Variants in PWWP3A observed in about 807,000 individuals in gnomAD.
PWWP3A encodes the protein PWWP domain containing 3A, DNA repair factor, also known as PWWP domain-containing DNA repair factor 3A.
Under a neutral mutation model 79.0 loss-of-function variants are expected in PWWP3A, and 53 were observed. That is an observed-to-expected ratio of 0.67 (90% CI 0.54 to 0.84). PWWP3A has a LOEUF of 0.84. Among genes scored for constraint, PWWP3A ranks in the 40% least tolerant of loss-of-function variants. The probability of loss-of-function intolerance (pLI) is 0.00; values close to 1 mark genes in which losing one functional copy is unlikely to be tolerated. For synonymous variants in PWWP3A, 443 were observed against 394.4 expected, an observed-to-expected ratio of 1.12 and a Z score of -1.46; for missense variants, 973 against 948.0, an observed-to-expected ratio of 1.03 and a Z score of -0.35.
chr19:1,356,162 T>G, intron 1 of PWWP3A, 162 bp from the exon 2 acceptor site: 9 of 541,720 alleles, frequency 1.7e-5, no homozygotes, highest in African/African-American at 1.9e-5. Context: ...GTCGTTTCTG[T>G]TTGTCAGTCT....
chr19:1,374,759 TAGTC>T (rs936381027), intron 13 of PWWP3A, among the ~76,000 whole-genome samples: 2 of 152,140 alleles, frequency 1.3e-5, no homozygotes, highest in African/African-American at 2.4e-5. Flanking sequence ...AAATTATTTT[TAGTC>T]AGTCACAGTG....
chr19:1,378,044 C>T lies in PWWP3A; in HGVS notation c.*1468C>T, dbSNP rs1323037324. On this transcript the variant is annotated 3_prime_UTR_variant, in exon 14 of 14. Coordinates refer to ENST00000591337, the MANE Select transcript of PWWP3A (RefSeq NM_001369789.1). ...CGACTCCGAGAGCAGGAAACCCGGC[C>T]GTGGCCTGGCAGCTCCGCCTCCCAT... The T allele has an allele frequency of 6.6e-6, 1 of 152,252 alleles. No homozygotes were observed. The highest frequency in any genetic ancestry group is 2.4e-5 in the African/African-American group (1 of 41,430). 9.4% of individuals were successfully genotyped at this position (152,252 alleles called of 1,614,324 possible).
chr19:1,375,612 C>A (rs372186920), intron 13 of PWWP3A, among the ~76,000 whole-genome samples: 258 of 5,674 alleles, frequency 0.045, 2 homozygotes, highest in Middle Eastern at 0.12. Context: ...ATAATATATA[C>A]AATTATATAA....
chr19:1,362,248 A>G lies in PWWP3A; in HGVS notation c.1112-2A>G. 6.2e-7 allele frequency: 1 copy of G among 1,608,198 alleles called. No individual in the cohort carries two copies. Among genetic ancestry groups the G allele is most frequent in the Non-Finnish European group, 8.5e-7 (1 of 1,177,766 alleles). ...GAAAGTCTAATATCACATTATTGGC[A>G]GAGTGCCAGTCTTCCGAAGAGTCCA... On this transcript the variant is annotated splice_acceptor_variant, in intron 5 of 13. Transcript: ENST00000591337. LOFTEE classifies it high-confidence loss of function.
Position 1,364,594 on chromosome 19 carries a change from C to G in PWWP3A, c.1284+15C>G, listed in dbSNP as rs551229504. ...GGCCAGCAGTGGTAAGAACAGCTTC[C>G]TCCGTCTTCTCAGATGTAGTTACTT... On this transcript the variant is annotated intron_variant, in intron 7 of 13. Coordinates refer to ENST00000591337, the MANE Select transcript of PWWP3A (RefSeq NM_001369789.1). The G allele has an allele frequency of 1.3e-6, 2 of 1,565,766 alleles. No individual in the cohort carries two copies. The highest frequency in any genetic ancestry group is 2.4e-5 in the South Asian group (2 of 84,828).
intron 6 of PWWP3A, chr19:1,364,234 C>G (rs2082081805): frequency 1.6e-6 from 1 of 610,948 alleles, no homozygotes; most frequent in East Asian, 3.7e-5. Flanking sequence ...GCACCCCTCC[C>G]ATCCCAAGGG....
In PWWP3A at chr19:1,360,008, C is replaced by G. The variant is rs958108197; in HGVS notation, c.215-128C>G. 1.1e-6 allele frequency: 1 copy of G among 889,656 alleles called. No individual in the cohort carries two copies. The highest frequency in any genetic ancestry group is 1.6e-6 in the Non-Finnish European group (1 of 633,748). 55.1% of individuals were successfully genotyped at this position (889,656 alleles called of 1,614,324 possible). A position where few individuals can be genotyped will look rare whatever the true frequency, so the allele number is the denominator to read the frequency against. On this transcript the variant is annotated intron_variant, in intron 4 of 13. Coordinates refer to ENST00000591337, the MANE Select transcript of PWWP3A (RefSeq NM_001369789.1). This position sits in a 1 kb window ranked among gnomAD's most constrained non-coding sequence, Gnocchi z 4.4. ...AAAATGTAGGTGAGAAATGTTAGTC[C>G]TCCCCTTCAGTGATTTAGGTATGAA...
chr19:1,376,374 C>G (rs1600136662), intron 13 of PWWP3A, 145 bp from the exon 14 acceptor site: 1 of 449,566 alleles, frequency 2.2e-6, no homozygotes, highest in Admixed American at 3.3e-5. Context: ...CAGGATGGTC[C>G]TGATCTCCTG....
rs746199070 is a variant in PWWP3A, at chr19:1,370,611, G to C, written c.1550-31G>C. 4.2e-6 allele frequency: 6 copies of C among 1,439,986 alleles called. No individual in the cohort carries two copies. The East Asian group carries it at 7.6e-5, about 18-fold the overall frequency. The allele number at this position is 1,439,986 out of a possible 1,614,324, so 89.2% of individuals were successfully genotyped here. On this transcript the variant is annotated intron_variant, in intron 11 of 13. Transcript: ENST00000591337. ...GCCACCCGAGGAAGGCAGCCCACGCGCTGGTCCCACGACAGGTGCTTCTTT... is the reference window on the plus strand; with the variant it reads ...GCCACCCGAGGAAGGCAGCCCACGCCCTGGTCCCACGACAGGTGCTTCTTT...
intron 4 of PWWP3A, chr19:1,359,536 C>G (rs1229976395): frequency 6.6e-6 from 1 of 151,614 alleles, no homozygotes; most frequent in African/African-American, 2.4e-5. Flanking sequence ...AAATAAATAG[C>G]GCCGTATCTA....
intron 1 of PWWP3A, 71 bp from the exon 2 acceptor site, chr19:1,356,253 C>G (rs980746128): frequency 2.5e-6 from 2 of 800,700 alleles, no homozygotes; most frequent in Admixed American, 2.0e-5. Context: ...AACCTTTGCC[C>G]CTGAGGGCTG....
At chr19:1,375,511 T>A (rs1276182525) in intron 13 of PWWP3A, among the ~76,000 whole-genome samples, 1 of 123,796 alleles carries the variant, frequency 8.1e-6, no homozygotes, top group Non-Finnish European at 1.6e-5. Context: ...TTATATATAA[T>A]ATATAAAATC....
chr19:1,375,549 A>ATATATTATAAAATATATAATTT (rs1568965438), intron 13 of PWWP3A, among the ~76,000 whole-genome samples: 2 of 3,426 alleles, frequency 5.8e-4, no homozygotes, highest in Non-Finnish European at 1.1e-3. Flanking sequence ...TATATATAAA[A>ATATATTATAAAATATATAATTT]TATATATTAT....
intron 12 of PWWP3A, chr19:1,371,474 A>T (rs192147092): frequency 4.4e-6 from 3 of 688,520 alleles, no homozygotes; most frequent in Admixed American, 4.1e-5. Flanking sequence ...CTGTAAGTTG[A>T]AAAACTGTAA....
At chr19:1,356,518 A>G in intron 2 of PWWP3A, 69 bp downstream of exon 2, 1 of 1,216,712 alleles carries the variant, frequency 8.2e-7, no homozygotes. Flanking sequence ...AATCTTGATC[A>G]GGAGATACCT....
rs1326772172 is a variant in PWWP3A at position 1,360,170 on chromosome 19, AG to A, written c.250del (p.Glu84AsnfsTer15). On this transcript the variant is annotated frameshift_variant, in exon 5 of 14. Transcript: ENST00000591337. LOFTEE classifies it high-confidence loss of function. The surrounding 1 kb of genome is among the most constrained non-coding windows in gnomAD (Gnocchi z 4.4). ...QNEVPAAPLE[E>X]LAYRRSLRVA... ...ATGAGGTTCCTGCGGCACCCCTGGA[AG>A]AACTGGCCTACAGACGGTCGCTTCG... 1 of 1,581,278 alleles carries A rather than the reference AG, an allele frequency of 6.3e-7. No individual in the cohort carries two copies. Among genetic ancestry groups the A allele is most frequent in the Non-Finnish European group, 8.6e-7 (1 of 1,166,216 alleles).
chr19:1,360,202 C>T lies in PWWP3A; in HGVS notation c.281C>T (p.Ala94Val), dbSNP rs551886252. The change falls in exon 5 of 14, where the codon GCT (alanine) becomes GTT (valine). Residue 94 changes from alanine to valine, a missense_variant. Ala to Val is a moderately conservative substitution (Grantham distance 64, BLOSUM62 0). Coordinates refer to ENST00000591337, the MANE Select transcript of PWWP3A (RefSeq NM_001369789.1). This position sits in a 1 kb window ranked among gnomAD's most constrained non-coding sequence, Gnocchi z 4.4. ...GCCTACAGACGGTCGCTTCGCGTGG[C>T]TCTGGACGTTCTGAGCGAGGGCTCG... Reference protein sequence around the residue: ...ELAYRRSLRVALDVLSEGSIW... With the variant: ...ELAYRRSLRVVLDVLSEGSIW... The T allele has an allele frequency of 6.2e-7, 1 of 1,612,334 alleles. No individual in the cohort carries two copies. The highest frequency in any genetic ancestry group is 1.7e-5 in the Admixed American group (1 of 59,688).
chr19:1,369,946 T>C lies in PWWP3A; in HGVS notation c.1549+300T>C, dbSNP rs2082215361. 6.6e-6 allele frequency among the ~76,000 whole-genome samples: 1 copy of C among 152,164 alleles called. No homozygotes were observed. The highest frequency in any genetic ancestry group is 2.4e-5 in the African/African-American group (1 of 41,430). On this transcript the variant is annotated intron_variant, in intron 11 of 13. Coordinates refer to ENST00000591337, the MANE Select transcript of PWWP3A (RefSeq NM_001369789.1). This position sits in a 1 kb window ranked among gnomAD's most constrained non-coding sequence, Gnocchi z 4.0. The stretch of plus-strand genomic sequence containing the variant: ...CACACATCAGATGTTGTGAAGAATG[T>C]AGGCCAGGTGCGGAGGCTCACACCT...
rs560975651 is a variant in PWWP3A at position 1,378,283 on chromosome 19, T to C, written c.*1707T>C. 6.6e-6 allele frequency: 1 copy of C among 152,406 alleles called. No homozygotes were observed. Among genetic ancestry groups the C allele is most frequent in the Non-Finnish European group, 1.5e-5 (1 of 68,074 alleles). 9.4% of individuals were successfully genotyped at this position (152,406 alleles called of 1,614,324 possible). On this transcript the variant is annotated 3_prime_UTR_variant, in exon 14 of 14. Transcript: ENST00000591337. Reference sequence around the variant, plus strand: ...TCCGGAGCCGCCCTCCATTGTGGGTTCCTGAGAGTAGGACACATTGCCATG... The same window carrying C: ...TCCGGAGCCGCCCTCCATTGTGGGTCCCTGAGAGTAGGACACATTGCCATG...
Sources: allele counts gnomAD v4.1 joint callset (sites outside exome capture counted in the v4.1 genomes callset), GRCh38; gene constraint gnomAD v4.1.1; non-coding constraint Gnocchi (gnomAD v3.1); transcripts MANE v1.5; gene names NCBI Gene and HGNC (gene_info 2026-07-23, HGNC 2026-07-21).